The following GAB1 variants were observed in gnomAD, a reference collection of about 807,000 sequenced individuals.
GAB1 encodes GRB2 associated binding protein 1, also known as GRB2-associated-binding protein 1.
GAB1 carries 19 observed loss-of-function variants against 66.5 expected under a neutral mutation model. That is an observed-to-expected ratio of 0.29 (90% confidence interval 0.20 to 0.42). The LOEUF is 0.42. GAB1 is among the 10% of genes least tolerant of loss of function. The pLI, the probability that GAB1 is intolerant of heterozygous loss-of-function variation, is 1.00. For missense variants in GAB1, 732 were observed against 858.5 expected (o/e 0.85, Z 1.84); for synonymous variants, 294 against 301.4 (o/e 0.98, Z 0.25).
intron 1 of GAB1, among the ~76,000 whole-genome samples, chr4:143,360,603 C>CT (rs1225537742): frequency 6.6e-6 from 1 of 152,100 alleles, no homozygotes; most frequent in Non-Finnish European, 1.5e-5. Context: ...TGTAAGTTCC[C>CT]TTTTCCCAAA....
intron 2 of GAB1, among the ~76,000 whole-genome samples, chr4:143,416,343 G>A (rs1732686334): frequency 6.6e-6 from 1 of 152,184 alleles, no homozygotes; most frequent in Admixed American, 6.5e-5. Context: ...GAGAGGTGGA[G>A]CTTACAGTGA....
At position 143,432,622 on chromosome 4, in the gene GAB1, A is replaced by G. The variant is rs1041973804; in HGVS notation, c.368-869A>G. ...ACAAATTTTAAGAACAAATTTATTCATGTATGAGCATTTGCCTTTTTCTGC... is the reference window on the plus strand; with the variant it reads ...ACAAATTTTAAGAACAAATTTATTCGTGTATGAGCATTTGCCTTTTTCTGC... On this transcript the variant is annotated intron_variant, in intron 2 of 9. Transcript: ENST00000262994. 8.5e-5 allele frequency among the ~76,000 whole-genome samples: 13 copies of G among 152,312 alleles called. No individual in the cohort carries two copies. In the South Asian group the frequency reaches 2.1e-3, roughly 24 times the overall value.
At chr4:143,420,651 A>T (rs549043245) in intron 2 of GAB1, among the ~76,000 whole-genome samples, 1 of 152,118 alleles carries the variant, frequency 6.6e-6, no homozygotes, top group Non-Finnish European at 1.5e-5. Flanking sequence ...CTGCTAAACA[A>T]GTATTGGGAA....
intron 8 of GAB1, 158 bp from the exon 9 acceptor site, chr4:143,465,945 T>A: frequency 2.8e-6 from 2 of 708,618 alleles, no homozygotes; most frequent in South Asian, 2.2e-5. Context: ...ATCAGTTTTT[T>A]AAATATTACT....
chr4:143,383,283 A>G (rs3196542), intron 1 of GAB1, among the ~76,000 whole-genome samples: 4,604 of 152,320 alleles, frequency 0.03, 204 homozygotes, highest in African/African-American at 0.094. Flanking sequence ...GAGACTTGAC[A>G]TGCAGTTTAA....
chr4:143,427,178 C>T (rs1036462588), intron 2 of GAB1, among the ~76,000 whole-genome samples: 3 of 152,180 alleles, frequency 2.0e-5, no homozygotes, highest in Non-Finnish European at 4.4e-5. Flanking sequence ...AAAGGCCAGG[C>T]TCCTCCCTAT....
In GAB1 at chr4:143,415,469, G is replaced by C. The variant is rs369182573; in HGVS notation, c.73-8G>C. 4 of 1,582,046 alleles carry C rather than the reference G, an allele frequency of 2.5e-6. No homozygotes were observed. Among genetic ancestry groups the C allele is most frequent in the South Asian group, 2.3e-5 (2 of 86,570 alleles). On this transcript the variant is annotated splice_region_variant and splice_polypyrimidine_tract_variant and intron_variant, in intron 1 of 9. Transcript: ENST00000262994. ...AATACTGAATGGATATTTTTGTTTTGTTTCTAGGCATGGAAGAGGAGATGG... is the reference window on the plus strand; with the variant it reads ...AATACTGAATGGATATTTTTGTTTTCTTTCTAGGCATGGAAGAGGAGATGG...
At chr4:143,425,043 A>T in intron 2 of GAB1, 2 of 816,940 alleles carry the variant, frequency 2.4e-6, no homozygotes, top group Non-Finnish European at 4.1e-6. Context: ...TTAAAGGGAA[A>T]CTTTCACAAT....
intron 1 of GAB1, among the ~76,000 whole-genome samples, chr4:143,411,842 T>G (rs1732408717): frequency 6.6e-6 from 1 of 152,226 alleles, no homozygotes; most frequent in African/African-American, 2.4e-5. Context: ...GTAGTTTATG[T>G]AATTGCTTTT....
chr4:143,337,268 G>C lies in GAB1; in HGVS notation c.72+8G>C, dbSNP rs1044892973. ...AAAAAGTTGAAGCGTTATGTAAGTA[G>C]AGCTGCGGGCACCACTCCGCGGGCC... On this transcript the variant is annotated splice_region_variant and intron_variant, in intron 1 of 9. Coordinates refer to ENST00000262994, the MANE Select transcript of GAB1 (RefSeq NM_002039.4). The C allele has an allele frequency of 1.3e-6, 2 of 1,570,910 alleles. No homozygotes were observed. The highest frequency in any genetic ancestry group is 1.7e-6 in the Non-Finnish European group (2 of 1,156,982).
intron 1 of GAB1, among the ~76,000 whole-genome samples, chr4:143,389,352 G>A (rs1419871861): frequency 6.6e-6 from 1 of 152,214 alleles, no homozygotes; most frequent in Non-Finnish European, 1.5e-5. Context: ...GCAATGTTGG[G>A]AAGCAGATGG....
chr4:143,401,889 A>G (rs1434757961), intron 1 of GAB1, among the ~76,000 whole-genome samples: 1 of 152,206 alleles, frequency 6.6e-6, no homozygotes, highest in East Asian at 1.9e-4. Flanking sequence ...TATTTAAAAT[A>G]AATTTGTTAA....
chr4:143,411,896 T>C (rs1048164606), intron 1 of GAB1, among the ~76,000 whole-genome samples: 2 of 152,212 alleles, frequency 1.3e-5, no homozygotes, highest in African/African-American at 2.4e-5. Flanking sequence ...GGGTGACTCA[T>C]TTTGTGACTG....
chr4:143,401,858 T>G (rs1378559764), intron 1 of GAB1, among the ~76,000 whole-genome samples: 4 of 152,180 alleles, frequency 2.6e-5, no homozygotes, highest in Non-Finnish European at 4.4e-5. Flanking sequence ...CACTTTTCAG[T>G]TGACGTTGTT....
chr4:143,400,129 G>A (rs992480381), intron 1 of GAB1, among the ~76,000 whole-genome samples: 6 of 152,074 alleles, frequency 3.9e-5, no homozygotes, highest in African/African-American at 1.4e-4. Context: ...TTTTAGTAGA[G>A]ACAGGGTTTC....
intron 6 of GAB1, among the ~76,000 whole-genome samples, chr4:143,455,118 A>G (rs915088018): frequency 1.3e-5 from 2 of 152,066 alleles, no homozygotes; most frequent in Non-Finnish European, 2.9e-5. Flanking sequence ...AGTCCTTCCC[A>G]TTTTAAAAGC....
Position 143,472,826 on chromosome 4 carries a change from T to C in GAB1, c.*3637T>C, listed in dbSNP as rs1326563194. On this transcript the variant is annotated 3_prime_UTR_variant, in exon 10 of 10. Transcript: ENST00000262994. ...TGAGAAAGATACATGCATTCTATGG[T>C]AACAACTACTGTCAATAACATCTGA... The C allele has an allele frequency of 6.6e-6, 1 of 152,174 alleles. No individual in the cohort carries two copies. Among genetic ancestry groups the C allele is most frequent in the East Asian group, 1.9e-4 (1 of 5,196 alleles). The allele number at this position is 152,174 out of a possible 1,614,324, so 9.4% of individuals were successfully genotyped here.
At chr4:143,465,985 A>T in intron 8 of GAB1, 118 bp from the exon 9 acceptor site, 1 of 1,097,754 alleles carries the variant, frequency 9.1e-7, no homozygotes, top group Non-Finnish European at 1.3e-6. Flanking sequence ...AAGGTTGTTT[A>T]ACTTTTTAAG....
At chr4:143,360,479 A>G (rs1224335105) in intron 1 of GAB1, among the ~76,000 whole-genome samples, 1 of 152,184 alleles carries the variant, frequency 6.6e-6, no homozygotes, top group African/African-American at 2.4e-5. Flanking sequence ...TGAGATCTTT[A>G]AAGGACAAAA....
Sources: allele counts gnomAD v4.1 joint callset (sites outside exome capture counted in the v4.1 genomes callset), GRCh38; gene constraint gnomAD v4.1.1; transcripts MANE v1.5; gene names NCBI Gene and HGNC (gene_info 2026-07-23, HGNC 2026-07-21).